The following DHX16 variants were observed in gnomAD, a reference collection of about 807,000 sequenced individuals.
DHX16 encodes the protein DEAH-box helicase 16.
DHX16 carries 81 observed loss-of-function variants against 131.2 expected under a neutral mutation model. The observed-to-expected ratio is 0.62, with a 90% confidence interval of 0.52 to 0.74. The LOEUF is 0.74. DHX16 is among the 30% of genes least tolerant of loss of function. The probability of loss-of-function intolerance (pLI) is 0.00; values close to 1 mark genes in which losing one functional copy is unlikely to be tolerated. For synonymous variants in DHX16, 440 were observed against 520.2 expected, an observed-to-expected ratio of 0.85 and a Z score of 2.10; for missense variants, 980 against 1,363.1, an observed-to-expected ratio of 0.72 and a Z score of 4.43.
intron 4 of DHX16, among the ~76,000 whole-genome samples, chr6:30,666,959 G>A (rs1282670906): frequency 1.3e-5 from 2 of 152,098 alleles, no homozygotes; most frequent in African/African-American, 4.8e-5. Context: ...TTCCATGGAA[G>A]AGCCAGATAG....
At position 30,654,573 on chromosome 6, in the gene DHX16, G is replaced by A. The variant is rs17195572; in HGVS notation, c.2997+133C>T. 8.8e-4 allele frequency: 790 copies of A among 897,802 alleles called. 9 individuals carry two copies. The African/African-American group carries it at 0.012, about 14-fold the overall frequency. 55.6% of individuals were successfully genotyped at this position (897,802 alleles called of 1,614,324 possible). On this transcript the variant is annotated intron_variant, in intron 19 of 19. Transcript: ENST00000376442. ...TCAAAAAAAACAAAAAAAAACAAAG[G>A]ATGTCTTTCTATTTTACCCTACCTT...
chr6:30,670,476 A>C lies in DHX16; in HGVS notation c.610-10T>G. 1 of 1,610,496 alleles carries C rather than the reference A, an allele frequency of 6.2e-7. No homozygotes were observed. The highest frequency in any genetic ancestry group is 8.5e-7 in the Non-Finnish European group (1 of 1,178,620). ...GAGCCTCTTCATAAGCCTAGAAGAA[A>C]AAACAAGAATGGAGGGGTGTGAGGC... On this transcript the variant is annotated splice_polypyrimidine_tract_variant and intron_variant, in intron 3 of 19. Transcript: ENST00000376442. The surrounding 1 kb of genome is among the most constrained non-coding windows in gnomAD (Gnocchi z 4.4).
intron 7 of DHX16, among the ~76,000 whole-genome samples, chr6:30,664,502 A>G (rs1768825586): frequency 6.6e-6 from 1 of 151,824 alleles, no homozygotes; most frequent in South Asian, 2.1e-4. Flanking sequence ...AAAACTAACA[A>G]AAAGGCAGGA....
chr6:30,672,471 C>A (rs1769656399), intron 1 of DHX16, among the ~76,000 whole-genome samples, 164 bp downstream of exon 1: 1 of 152,162 alleles, frequency 6.6e-6, no homozygotes, highest in African/African-American at 2.4e-5. Flanking sequence ...AAGCCCTCCT[C>A]AATCTTCTCC....
chr6:30,653,167 AATTTT>A lies in DHX16; in HGVS notation c.*70_*74del, dbSNP rs1767612863. 9 of 1,499,684 alleles carry A rather than the reference AATTTT, an allele frequency of 6.0e-6. No individual in the cohort carries two copies. Among genetic ancestry groups the A allele is most frequent in the Non-Finnish European group, 8.1e-6 (9 of 1,116,426 alleles). 92.9% of individuals were successfully genotyped at this position (1,499,684 alleles called of 1,614,324 possible). On this transcript the variant is annotated 3_prime_UTR_variant, in exon 20 of 20. Transcript: ENST00000376442. ...TTCCCACAAGCTTTATTCCAAAAAT[AATTTT>A]ATTTAATAGGTATTAAATAATGTAT...
intron 2 of DHX16, 26 bp downstream of exon 2, chr6:30,671,010 C>G (rs889166748): frequency 6.2e-7 from 1 of 1,612,968 alleles, no homozygotes; most frequent in Non-Finnish European, 8.5e-7. Flanking sequence ...CCTGCCCCAT[C>G]CTCTCTCACC....
In DHX16 at chr6:30,662,632, A is replaced by C. The variant is rs770395316; in HGVS notation, c.1539T>G (p.Ser513Arg). Residue 513 changes from serine (S) to arginine (R), a missense_variant, in exon 9 of 20, where the codon AGT becomes AGG. Physicochemically the swap from Ser to Arg is moderately radical, Grantham distance 110. This residue lies in a region of DHX16 where 309 missense variants were observed against 537.1 expected (regional missense o/e 0.58). Transcript: ENST00000376442. This position sits in a 1 kb window ranked among gnomAD's most constrained non-coding sequence, Gnocchi z 4.7. ...REFLSEPDLA[S>R]YSVVMVDEAH... ...AGGCCAGAGATTAGAGATACCTGTA[A>C]CTCGCCAGGTCAGGCTCAGAGAGGA... is the stretch of plus-strand genomic sequence containing the variant. 6.2e-7 allele frequency: 1 copy of C among 1,612,376 alleles called. No individual in the cohort carries two copies. Among genetic ancestry groups the C allele is most frequent in the Non-Finnish European group, 8.5e-7 (1 of 1,179,394 alleles).
Position 30,665,125 on chromosome 6 carries a change from C to T in DHX16, c.1071G>A (p.Leu357=). The part of the protein sequence containing the change: ...ASQEPKYQLV[L]EEEETIEFVR... The stretch of plus-strand genomic sequence containing the variant: ...CAAACTCAATGGTCTCCTCCTCCTC[C>T]AGCACCAGTTGATACTTGGGCTCCT... The change falls in exon 6 of 20, where the codon CTG becomes CTA. Residue 357 remains leucine (L), a synonymous_variant. Transcript: ENST00000376442. This position sits in a 1 kb window ranked among gnomAD's most constrained non-coding sequence, Gnocchi z 4.8. 1 of 1,614,070 alleles carries T rather than the reference C, an allele frequency of 6.2e-7. No homozygotes were observed. Among genetic ancestry groups the T allele is most frequent in the Non-Finnish European group, 8.5e-7 (1 of 1,179,988 alleles).
chr6:30,670,679 AC>A lies in DHX16; in HGVS notation c.609+110del. The A allele has an allele frequency of 6.8e-7, 1 of 1,460,468 alleles. No individual in the cohort carries two copies. The highest frequency in any genetic ancestry group is 1.4e-5 in the African/African-American group (1 of 72,360). 90.5% of individuals were successfully genotyped at this position (1,460,468 alleles called of 1,614,324 possible). A position where few individuals can be genotyped will look rare whatever the true frequency, so the allele number is the denominator to read the frequency against. ...CTCTCACCACAGAGGTGAACATCTC[AC>A]TAGAGACAGCCCCTTGTCTTCCCAG... On this transcript the variant is annotated intron_variant, in intron 3 of 19. Transcript: ENST00000376442. This position sits in a 1 kb window ranked among gnomAD's most constrained non-coding sequence, Gnocchi z 4.4.
chr6:30,665,447 C>T lies in DHX16; in HGVS notation c.921+32G>A. ...CCTTCCCCACAACTTGTCTTGGGGA[C>T]CAAGGCTGAAGCAGACGCCGCTTCA... On this transcript the variant is annotated intron_variant, in intron 5 of 19. Transcript: ENST00000376442. The surrounding 1 kb of genome is among the most constrained non-coding windows in gnomAD (Gnocchi z 4.8). The T allele has an allele frequency of 6.2e-7, 1 of 1,600,322 alleles. No individual in the cohort carries two copies. The highest frequency in any genetic ancestry group is 8.5e-7 in the Non-Finnish European group (1 of 1,171,962).
At chr6:30,663,635 C>T (rs775599963) in intron 7 of DHX16, among the ~76,000 whole-genome samples, 1 of 150,378 alleles carries the variant, frequency 6.6e-6, no homozygotes, top group Admixed American at 6.7e-5. Flanking sequence ...GCAGGAGAGT[C>T]GCTTGAACCT....
intron 4 of DHX16, among the ~76,000 whole-genome samples, chr6:30,666,122 G>A (rs1769021546): frequency 6.6e-6 from 1 of 152,178 alleles, no homozygotes; most frequent in African/African-American, 2.4e-5. Flanking sequence ...GACTCAAACC[G>A]AAAACAATTC....
chr6:30,655,581 C>T lies in DHX16; in HGVS notation c.2515G>A (p.Glu839Lys). 6.2e-7 allele frequency: 1 copy of T among 1,613,068 alleles called. No homozygotes were observed. The highest frequency in any genetic ancestry group is 8.5e-7 in the Non-Finnish European group (1 of 1,180,038). Residue 839 changes from glutamate (E) to lysine (K), a missense_variant, in exon 17 of 20, where the codon GAG (glutamate) becomes AAG (lysine). Coordinates refer to ENST00000376442, the MANE Select transcript of DHX16 (RefSeq NM_003587.5). ...LASEKYSCSE[E>K]ILTVAAMLSV... ...AGCATGGCAGCCACTGTCAGGATCT[C>T]CTCTGAACAGCTGTACCTGGGACAG... is the stretch of plus-strand genomic sequence containing the variant.
chr6:30,660,017 T>C lies in DHX16; in HGVS notation c.1755+15A>G, dbSNP rs1370996634. On this transcript the variant is annotated intron_variant, in intron 10 of 19. Transcript: ENST00000376442. ...TTCTGCCACAGACTTAAGCCCATCC[T>C]CCCTGAGGGGGCACCTTGGTGTAGA... 1 of 1,611,140 alleles carries C rather than the reference T, an allele frequency of 6.2e-7. No homozygotes were observed. Among genetic ancestry groups the C allele is most frequent in the Admixed American group, 1.7e-5 (1 of 59,860 alleles).
chr6:30,657,091 A>G lies in DHX16; in HGVS notation c.2009T>C (p.Val670Ala). The change falls in exon 13 of 20, where the codon GTG becomes GCG. Residue 670 changes from valine (V) to alanine (A), a missense_variant and splice_region_variant. By Grantham distance (64) the Val-to-Ala change is moderately conservative. Transcript: ENST00000376442. ...FQPTPPGARK[V>A]VVATNIAETS... ...CTCAGCAATGTTCGTTGCCACAACC[A>G]CCTGAGTGATAGGATATGGGGTCAC... The G allele has an allele frequency of 1.2e-6, 2 of 1,611,892 alleles. 1 individual carries two copies. Among genetic ancestry groups the G allele is most frequent in the South Asian group, 2.2e-5 (2 of 90,908 alleles).
intron 12 of DHX16, 136 bp from the exon 13 acceptor site, chr6:30,657,228 C>T: frequency 1.1e-6 from 1 of 882,938 alleles, no homozygotes; most frequent in Non-Finnish European, 1.7e-6. Context: ...TATCCAAGGT[C>T]AGGAGCAGGG....
At chr6:30,671,371 C>A (rs1390706174) in intron 1 of DHX16, 97 bp from the exon 2 acceptor site, 1 of 1,193,172 alleles carries the variant, frequency 8.4e-7, no homozygotes, top group Non-Finnish European at 1.2e-6. Context: ...CTTAGTCTTT[C>A]CTGCCCCCGC....
intron 4 of DHX16, among the ~76,000 whole-genome samples, chr6:30,669,840 G>A (rs961877345): frequency 1.3e-5 from 2 of 150,784 alleles, no homozygotes; most frequent in African/African-American, 2.4e-5. Context: ...ACAAGACCAG[G>A]CCTTTGGAAA....
intron 4 of DHX16, among the ~76,000 whole-genome samples, chr6:30,667,108 T>C (rs1769113304): frequency 6.6e-6 from 1 of 151,890 alleles, no homozygotes; most frequent in Non-Finnish European, 1.5e-5. Context: ...GGGAAAAAAA[T>C]CTGTCACCAG....
Sources: gnomAD v4.1 joint callset for allele counts (sites outside exome capture counted in the v4.1 genomes callset) on GRCh38, gnomAD v4.1.1 for gene constraint, gnomAD v4.1.1 regional missense constraint, Gnocchi (gnomAD v3.1) non-coding constraint, MANE v1.5 for transcripts, NCBI Gene and HGNC (gene_info 2026-07-23, HGNC 2026-07-21) for gene names.